The following IPCEF1 variants were observed in gnomAD, a reference collection of about 807,000 sequenced individuals.
The protein encoded by IPCEF1 is interaction protein for cytohesin exchange factors 1.
A neutral mutation model predicts 50.9 loss-of-function variants in IPCEF1; 31 were observed. That is an observed-to-expected ratio of 0.61 (90% CI 0.46 to 0.82). The LOEUF (loss-of-function observed/expected upper bound fraction) is 0.82, where lower values mean the gene tolerates loss of function less well. Among genes scored for constraint, IPCEF1 ranks in the 40% least tolerant of loss-of-function variants. IPCEF1 has a pLI of 0.00. For synonymous variants in IPCEF1, 181 were observed against 192.0 expected, an observed-to-expected ratio of 0.94 and a Z score of 0.47; for missense variants, 458 against 514.0, an observed-to-expected ratio of 0.89 and a Z score of 1.05.
rs955452900 is a variant in IPCEF1, at chr6:154,158,837, C to T, written c.*991G>A. ...AACAAACATAGCTATTCACATAGCACACAAGTGACATATAAACATACAAAA... is the reference window on the plus strand; with the variant it reads ...AACAAACATAGCTATTCACATAGCATACAAGTGACATATAAACATACAAAA... On this transcript the variant is annotated 3_prime_UTR_variant, in exon 12 of 12. Transcript: ENST00000367220. 2 of 152,144 alleles carry T rather than the reference C, an allele frequency of 1.3e-5. No homozygotes were observed. Among genetic ancestry groups the T allele is most frequent in the African/African-American group, 4.8e-5 (2 of 41,438 alleles). 9.4% of individuals were successfully genotyped at this position (152,144 alleles called of 1,614,324 possible). A position where few individuals can be genotyped will look rare whatever the true frequency, so the allele number is the denominator to read the frequency against.
chr6:154,312,508 G>A (rs564146506), intron 1 of IPCEF1, among the ~76,000 whole-genome samples: 11 of 152,026 alleles, frequency 7.2e-5, no homozygotes, highest in Middle Eastern at 6.8e-3. Flanking sequence ...CACCACACCC[G>A]GCTAATTTTT....
chr6:154,167,394 C>T (rs1186113863), intron 11 of IPCEF1, among the ~76,000 whole-genome samples: 1 of 152,180 alleles, frequency 6.6e-6, no homozygotes, highest in East Asian at 1.9e-4. Flanking sequence ...CACTGTCGGG[C>T]TCTCATGGTG....
chr6:154,279,936 A>G lies in IPCEF1; in HGVS notation c.-18+9777T>C, dbSNP rs553484164. On this transcript the variant is annotated intron_variant, in intron 2 of 11. Transcript: ENST00000367220. ...GACACCAATCATTAACAATCAGGAA[A>G]TGTTAATGTTAATGTTAATGTTAAT... Among the ~76,000 whole-genome samples, 9 of 152,214 alleles carry G rather than the reference A, an allele frequency of 5.9e-5. No individual in the cohort carries two copies. The South Asian group carries it at 1.9e-3, about 32-fold the overall frequency.
At chr6:154,238,689 CT>C (rs1228553892) in intron 5 of IPCEF1, among the ~76,000 whole-genome samples, 1 of 151,826 alleles carries the variant, frequency 6.6e-6, no homozygotes, top group African/African-American at 2.4e-5. Context: ...ACTGTATAAC[CT>C]TTTTTATAAT....
chr6:154,328,288 G>A (rs769895186), intron 1 of IPCEF1, among the ~76,000 whole-genome samples: 12 of 152,292 alleles, frequency 7.9e-5, no homozygotes, highest in Middle Eastern at 3.4e-3. Context: ...ATTCTAAAGC[G>A]TGGCTGATGA....
chr6:154,208,142 G>T (rs1233159084), intron 9 of IPCEF1, among the ~76,000 whole-genome samples: 1 of 151,994 alleles, frequency 6.6e-6, no homozygotes, highest in Non-Finnish European at 1.5e-5. Context: ...CCTTTCAAAG[G>T]CTCCCTAAAG....
chr6:154,336,794 A>G (rs1392237924), intron 1 of IPCEF1, among the ~76,000 whole-genome samples: 1 of 152,012 alleles, frequency 6.6e-6, no homozygotes. Flanking sequence ...TTTTGTTGAG[A>G]CAAGGTCCCA....
chr6:154,300,761 C>T (rs2128674722), intron 1 of IPCEF1, among the ~76,000 whole-genome samples: 1 of 152,320 alleles, frequency 6.6e-6, no homozygotes, highest in Non-Finnish European at 1.5e-5. Context: ...ACATTTTATG[C>T]CCCTTAGCAA....
Position 154,300,306 on chromosome 6 carries a change from T to C in IPCEF1, c.-61-10550A>G, listed in dbSNP as rs1183174818. ...TAGGTATTGAGAGACATGGCTTCCTTTTTTCTTTCTTTGTTAAACAAATGC... is the reference window on the plus strand; with the variant it reads ...TAGGTATTGAGAGACATGGCTTCCTCTTTTCTTTCTTTGTTAAACAAATGC... On this transcript the variant is annotated intron_variant, in intron 1 of 11. Transcript: ENST00000367220. Among the ~76,000 whole-genome samples, 4 of 96,608 alleles carry C rather than the reference T, an allele frequency of 4.1e-5. 2 individuals are homozygous for C. Among genetic ancestry groups the C allele is most frequent in the Non-Finnish European group, 1.0e-4 (4 of 39,402 alleles). 63.4% of individuals were successfully genotyped at this position (96,608 alleles called of 152,430 possible).
intron 5 of IPCEF1, among the ~76,000 whole-genome samples, chr6:154,244,753 A>G (rs1226035192): frequency 3.2e-4 from 49 of 152,196 alleles, no homozygotes; most frequent in Non-Finnish European, 8.8e-5. Context: ...TTTAAATTCT[A>G]TGAAGACAGG....
chr6:154,284,768 G>A (rs1299047785), intron 2 of IPCEF1, among the ~76,000 whole-genome samples: 6 of 152,118 alleles, frequency 3.9e-5, no homozygotes, highest in South Asian at 4.1e-4. Context: ...TTGGGAGGCC[G>A]AGGCGGGTGG....
chr6:154,279,146 G>T (rs1562577092), intron 2 of IPCEF1, among the ~76,000 whole-genome samples: 1 of 150,896 alleles, frequency 6.6e-6, no homozygotes, highest in African/African-American at 2.4e-5. Flanking sequence ...AAAAAAGTGG[G>T]CATAAGAAGG....
chr6:154,240,588 T>A (rs1317174350), intron 5 of IPCEF1, among the ~76,000 whole-genome samples: 1 of 152,000 alleles, frequency 6.6e-6, no homozygotes, highest in African/African-American at 2.4e-5. Flanking sequence ...AAAGAGAAAA[T>A]TTTGACTTTC....
At position 154,159,693 on chromosome 6, in the gene IPCEF1, G is replaced by C. The variant is rs553667030; in HGVS notation, c.*135C>G. The C allele has an allele frequency of 7.3e-6, 5 of 681,088 alleles. No individual in the cohort carries two copies. The highest frequency in any genetic ancestry group is 2.9e-5 in the Admixed American group (1 of 34,768). The allele number at this position is 681,088 out of a possible 1,614,324, so 42.2% of individuals were successfully genotyped here. ...TATTCGGTGATTATCTTCATCTAAC[G>C]TGCATCTTTAGATGGGAAGCTGATG... On this transcript the variant is annotated 3_prime_UTR_variant, in exon 12 of 12. Transcript: ENST00000367220.
intron 1 of IPCEF1, among the ~76,000 whole-genome samples, chr6:154,331,399 G>GAGAGAGAGAGAA (rs1783662201): frequency 3.7e-5 from 5 of 134,096 alleles, no homozygotes; most frequent in African/African-American, 1.1e-4. Context: ...AAGAAAGAAA[G>GAGAGAGAGAGAA]AAAGAAAGAG....
At chr6:154,317,778 A>T (rs556452520) in intron 1 of IPCEF1, among the ~76,000 whole-genome samples, 1 of 152,006 alleles carries the variant, frequency 6.6e-6, no homozygotes, top group Admixed American at 6.6e-5. Flanking sequence ...GTTTTTTTTT[A>T]AATGTTTGGT....
At chr6:154,335,880 A>T (rs1783778003) in intron 1 of IPCEF1, among the ~76,000 whole-genome samples, 1 of 152,224 alleles carries the variant, frequency 6.6e-6, no homozygotes, top group South Asian at 2.1e-4. Flanking sequence ...TGACCAATAG[A>T]TATATTAAAA....
At chr6:154,320,921 T>C (rs1005204015) in intron 1 of IPCEF1, among the ~76,000 whole-genome samples, 1 of 152,188 alleles carries the variant, frequency 6.6e-6, no homozygotes, top group Non-Finnish European at 1.5e-5. Flanking sequence ...TATGTATATG[T>C]ATATTCATGA....
At chr6:154,331,349 A>G (rs1363661863) in intron 1 of IPCEF1, among the ~76,000 whole-genome samples, 1 of 131,618 alleles carries the variant, frequency 7.6e-6, no homozygotes, top group Non-Finnish European at 1.6e-5. Context: ...GAGGAAGGGG[A>G]AGGAAAGAGA....
Sources: gnomAD v4.1 joint callset for allele counts (sites outside exome capture counted in the v4.1 genomes callset) on GRCh38, gnomAD v4.1.1 for gene constraint, MANE v1.5 for transcripts, NCBI Gene and HGNC (gene_info 2026-07-23, HGNC 2026-07-21) for gene names.